Variants in GLIPR2 observed in about 807,000 individuals in gnomAD.
The protein encoded by GLIPR2 is Golgi-associated plant pathogenesis-related protein 1.
A neutral mutation model predicts 20.4 loss-of-function variants in GLIPR2; 21 were observed. The ratio of observed to expected loss-of-function variants is 1.03; its 90% CI spans 0.73 to 1.48. The LOEUF (loss-of-function observed/expected upper bound fraction) is 1.48. Among genes scored for constraint, GLIPR2 ranks in the 40% most tolerant of loss-of-function variants. The pLI, the probability that GLIPR2 is intolerant of heterozygous loss-of-function variation, is 0.00. For missense variants in GLIPR2, 205 were observed against 200.1 expected, an observed-to-expected ratio of 1.02 and a Z score of -0.15; for synonymous variants, 91 against 80.5, an observed-to-expected ratio of 1.13 and a Z score of -0.70.
chr9:36,151,175 G>C, intron 4 of GLIPR2: 1 of 561,420 alleles, frequency 1.8e-6, no homozygotes, highest in Non-Finnish European at 3.2e-6. Context: ...AGGGCCACCA[G>C]CTGGTGAATC....
chr9:36,137,352 C>T (rs1824870410), intron 1 of GLIPR2, among the ~76,000 whole-genome samples: 1 of 152,208 alleles, frequency 6.6e-6, no homozygotes, highest in Non-Finnish European at 1.5e-5. Flanking sequence ...CTCCCTAACA[C>T]CTTCCTCACC....
chr9:36,154,119 C>G (rs952009144), intron 4 of GLIPR2, among the ~76,000 whole-genome samples: 1 of 147,506 alleles, frequency 6.8e-6, no homozygotes, highest in Non-Finnish European at 1.5e-5. Flanking sequence ...CCTTTGAGAC[C>G]GAGTCTCACT....
At chr9:36,153,848 C>A (rs1825707345) in intron 4 of GLIPR2, among the ~76,000 whole-genome samples, 1 of 151,682 alleles carries the variant, frequency 6.6e-6, no homozygotes, top group African/African-American at 2.4e-5. Flanking sequence ...TTGTGGTGAG[C>A]CAAGATCTCG....
chr9:36,153,807 A>C (rs1434871877), intron 4 of GLIPR2, among the ~76,000 whole-genome samples: 2 of 151,972 alleles, frequency 1.3e-5, no homozygotes, highest in Non-Finnish European at 1.5e-5. Context: ...ATGCTAAGAC[A>C]CAAGAACTGC....
At chr9:36,141,817 C>T (rs1233945298) in intron 1 of GLIPR2, 1 of 446,002 alleles carries the variant, frequency 2.2e-6, no homozygotes. Flanking sequence ...CCACGCATGG[C>T]TAATTTTTTT....
chr9:36,158,174 T>C (rs774338628), intron 4 of GLIPR2, among the ~76,000 whole-genome samples: 2 of 152,220 alleles, frequency 1.3e-5, no homozygotes, highest in Non-Finnish European at 2.9e-5. Flanking sequence ...CGTATAAATA[T>C]CTGAATCCCT....
chr9:36,142,633 GC>G (rs1415892973), intron 1 of GLIPR2, among the ~76,000 whole-genome samples: 1 of 152,040 alleles, frequency 6.6e-6, no homozygotes, highest in Non-Finnish European at 1.5e-5. Context: ...CGTCATCCCT[GC>G]CCTTCCCCCA....
rs1286572641 is a variant in GLIPR2, at chr9:36,163,407, G to C, written c.*885G>C. 6.4e-6 allele frequency: 1 copy of C among 156,474 alleles called. No individual in the cohort carries two copies. The highest frequency in any genetic ancestry group is 1.9e-4 in the East Asian group (1 of 5,240). 9.7% of individuals were successfully genotyped at this position (156,474 alleles called of 1,614,324 possible). On this transcript the variant is annotated 3_prime_UTR_variant, in exon 5 of 5. Coordinates refer to ENST00000377960, the MANE Select transcript of GLIPR2 (RefSeq NM_022343.4). ...GCGGCCTTGGATGGATGAAGTCAGAGAGGTGGGGTGAGGGTGAGCTTACTC... is the reference window on the plus strand; with the variant it reads ...GCGGCCTTGGATGGATGAAGTCAGACAGGTGGGGTGAGGGTGAGCTTACTC...
At chr9:36,160,962 A>T (rs1826026605) in intron 4 of GLIPR2, among the ~76,000 whole-genome samples, 6 of 152,026 alleles carry the variant, frequency 3.9e-5, no homozygotes, top group Admixed American at 3.9e-4. Context: ...AGGATCACTT[A>T]AACCAAGGAG....
At chr9:36,154,934 G>C (rs1414610475) in intron 4 of GLIPR2, among the ~76,000 whole-genome samples, 1 of 152,242 alleles carries the variant, frequency 6.6e-6, no homozygotes, top group Non-Finnish European at 1.5e-5. Flanking sequence ...TCTCCTGTGA[G>C]AGCAGGCTAG....
chr9:36,162,561 G>C lies in GLIPR2; in HGVS notation c.*39G>C, dbSNP rs527657227. The stretch of plus-strand genomic sequence containing the variant: ...ATGGGAAGGTGGCAGACTTAAGAAC[G>C]TGGATATGAAGTGCCTAGAACCACC... On this transcript the variant is annotated 3_prime_UTR_variant, in exon 5 of 5. Transcript: ENST00000377960. 6 of 1,604,578 alleles carry C rather than the reference G, an allele frequency of 3.7e-6. No homozygotes were observed. The highest frequency in any genetic ancestry group is 1.7e-4 in the Middle Eastern group (1 of 6,020).
rs1399832831 is a variant in GLIPR2, at chr9:36,136,785, A to G, written c.7A>G (p.Lys3Glu). The change falls in exon 1 of 5, where the codon AAG (lysine) becomes GAG (glutamate). Residue 3 changes from lysine to glutamate, a missense_variant. By Grantham distance (56) the Lys-to-Glu change is moderately conservative. Transcript: ENST00000377960. This position sits in a 1 kb window ranked among gnomAD's most constrained non-coding sequence, Gnocchi z 4.3. ...GGAGCGCGCGGAGCCGGCCATGGGCAAGTCAGGTGAGCCCGCGGGCTCGCC... is the reference window on the plus strand; with the variant it reads ...GGAGCGCGCGGAGCCGGCCATGGGCGAGTCAGGTGAGCCCGCGGGCTCGCC... MG[K>E]SASKQFHNEV... 2.3e-6 allele frequency: 3 copies of G among 1,300,826 alleles called. No individual in the cohort carries two copies. The highest frequency in any genetic ancestry group is 3.1e-5 in the African/African-American group (2 of 64,688). The allele number at this position is 1,300,826 out of a possible 1,614,324, so 80.6% of individuals were successfully genotyped here. A position where few individuals can be genotyped will look rare whatever the true frequency, so the allele number is the denominator to read the frequency against.
intron 1 of GLIPR2, chr9:36,141,811 G>C (rs774179757): frequency 6.6e-6 from 3 of 453,098 alleles, no homozygotes; most frequent in South Asian, 4.7e-5. Context: ...GGGTCACCAC[G>C]CATGGCTAAT....
intron 4 of GLIPR2, among the ~76,000 whole-genome samples, chr9:36,155,542 T>A (rs1167151712): frequency 6.6e-6 from 1 of 151,836 alleles, no homozygotes; most frequent in African/African-American, 2.4e-5. Flanking sequence ...TGCAGTGACA[T>A]GAGATCGTGC....
At position 36,136,918 on chromosome 9, in the gene GLIPR2, G is replaced by C. The variant is rs976366325; in HGVS notation, c.13+127G>C. 14 of 1,120,256 alleles carry C rather than the reference G, an allele frequency of 1.2e-5. No homozygotes were observed. In the South Asian group the frequency reaches 5.7e-4, roughly 46 times the overall value. The allele number at this position is 1,120,256 out of a possible 1,614,324, so 69.4% of individuals were successfully genotyped here. On this transcript the variant is annotated intron_variant, in intron 1 of 4. Coordinates refer to ENST00000377960, the MANE Select transcript of GLIPR2 (RefSeq NM_022343.4). The surrounding 1 kb of genome is among the most constrained non-coding windows in gnomAD (Gnocchi z 4.3). ...GGAGCCCGGGGTGCGGGTGGAGGGC[G>C]CGCGGGCGGAGCGCCCCGGCGCGGT...
intron 4 of GLIPR2, among the ~76,000 whole-genome samples, chr9:36,157,498 C>A (rs539018564): frequency 6.6e-6 from 1 of 151,466 alleles, no homozygotes; most frequent in African/African-American, 2.4e-5. Flanking sequence ...AGGCACCCAC[C>A]ACCATGACCA....
At chr9:36,137,645 G>A (rs1563875845) in intron 1 of GLIPR2, among the ~76,000 whole-genome samples, 1 of 152,182 alleles carries the variant, frequency 6.6e-6, no homozygotes, top group East Asian at 1.9e-4. Flanking sequence ...GTGGGCCGGG[G>A]ACAAGAGTTC....
chr9:36,153,464 TA>T (rs1381654267), intron 4 of GLIPR2, among the ~76,000 whole-genome samples: 2 of 152,202 alleles, frequency 1.3e-5, no homozygotes, highest in Non-Finnish European at 2.9e-5. Context: ...GGTGGTGTCA[TA>T]ATGGGGGCTT....
intron 2 of GLIPR2, 29 bp downstream of exon 2, chr9:36,147,923 TG>T: frequency 1.0e-6 from 1 of 993,810 alleles, no homozygotes; most frequent in Non-Finnish European, 1.6e-6. Context: ...CCGGGTAACT[TG>T]GCCCTTCATG....
Sources: allele counts gnomAD v4.1 joint callset (sites outside exome capture counted in the v4.1 genomes callset), GRCh38; gene constraint gnomAD v4.1.1; non-coding constraint Gnocchi (gnomAD v3.1); transcripts MANE v1.5; gene names NCBI Gene and HGNC (gene_info 2026-07-23, HGNC 2026-07-21).